Variants in STXBP4 observed in about 807,000 individuals in gnomAD.
The protein encoded by STXBP4 is syntaxin binding protein 4.
In STXBP4, 55 loss-of-function variants were observed where a neutral mutation model predicts 76.1. The observed-to-expected ratio is 0.72, with a 90% CI of 0.58 to 0.91. The LOEUF (loss-of-function observed/expected upper bound fraction) is 0.91. Among genes scored for constraint, STXBP4 ranks in the 40% least tolerant of loss-of-function variants. The pLI is 0.00. For synonymous variants in STXBP4, 201 were observed against 220.2 expected (o/e 0.91, Z 0.77); for missense variants, 618 against 636.9 (o/e 0.97, Z 0.32).
the STXBP4 span, among the ~76,000 whole-genome samples, chr17:55,202,426 A>AAATTAAATGACATTT: frequency 2.1e-3 from 322 of 151,732 alleles, no homozygotes; most frequent in African/African-American, 7.0e-3. Context: ...TAATTTCACA[A>AAATTAAATGACATTT]AATTAAATGA....
chr17:55,062,957 C>T (rs1324645883), intron 12 of STXBP4, among the ~76,000 whole-genome samples: 1 of 152,192 alleles, frequency 6.6e-6, no homozygotes, highest in African/African-American at 2.4e-5. Context: ...TAGTGATAGA[C>T]AGCAATCTGG....
intron 12 of STXBP4, among the ~76,000 whole-genome samples, chr17:55,065,123 T>G (rs2079035899): frequency 6.6e-6 from 1 of 152,144 alleles, no homozygotes; most frequent in Non-Finnish European, 1.5e-5. Context: ...TCAATCAATA[T>G]TTATTAGGTA....
rs185952080 is a variant in STXBP4 at position 55,166,306 on chromosome 17, T to C, written c.*6395T>C. 2.0e-5 allele frequency: 3 copies of C among 152,236 alleles called. No individual in the cohort carries two copies. Among genetic ancestry groups the C allele is most frequent in the African/African-American group, 4.8e-5 (2 of 41,464 alleles). The allele number at this position is 152,236 out of a possible 1,614,324, so 9.4% of individuals were successfully genotyped here. On this transcript the variant is annotated 3_prime_UTR_variant, in exon 18 of 18. Coordinates refer to ENST00000376352, the MANE Select transcript of STXBP4 (RefSeq NM_178509.6). ...TTTCAAGTCTTTCTCATTTCTTACC[T>C]GGATGCTTTCAACACAGGTGATATA...
At chr17:55,064,433 A>G (rs972726979) in intron 12 of STXBP4, among the ~76,000 whole-genome samples, 17 of 151,914 alleles carry the variant, frequency 1.1e-4, no homozygotes, top group African/African-American at 4.1e-4. Context: ...ATCTCTTTAC[A>G]CTGTAGTTAT....
chr17:55,182,784 A>G, the STXBP4 span, among the ~76,000 whole-genome samples: 3 of 149,272 alleles, frequency 2.0e-5, no homozygotes, highest in African/African-American at 7.3e-5. Context: ...TTACTCCTAC[A>G]AAGTGCTAAG....
the STXBP4 span, among the ~76,000 whole-genome samples, chr17:55,187,828 A>G: frequency 6.6e-6 from 1 of 152,200 alleles, no homozygotes; most frequent in African/African-American, 2.4e-5. Flanking sequence ...ACCTTTCATA[A>G]CCATCTTTAG....
chr17:55,123,180 G>C (rs1034187363), intron 16 of STXBP4, among the ~76,000 whole-genome samples: 5 of 152,122 alleles, frequency 3.3e-5, no homozygotes, highest in African/African-American at 1.2e-4. Context: ...TCTTGCCAAA[G>C]TACTTTTCAT....
intron 16 of STXBP4, among the ~76,000 whole-genome samples, chr17:55,139,420 AAC>A (rs1159485836): frequency 3.3e-5 from 5 of 152,148 alleles, no homozygotes; most frequent in African/African-American, 1.2e-4. Context: ...CTTCCTACTT[AAC>A]TTTTAGCTGC....
rs2080412491 is a variant in STXBP4, at chr17:55,172,564, T to A, written c.*12653T>A. The A allele has an allele frequency of 6.6e-6, 1 of 152,242 alleles. No homozygotes were observed. The highest frequency in any genetic ancestry group is 1.9e-4 in the East Asian group (1 of 5,202). 9.4% of individuals were successfully genotyped at this position (152,242 alleles called of 1,614,324 possible). A position where few individuals can be genotyped will look rare whatever the true frequency, so the allele number is the denominator to read the frequency against. ...ACTTCCTTTAATAATACTTTTATTTTTCCAAATTTGAAGACTGTCCCTAAG... is the reference window on the plus strand; with the variant it reads ...ACTTCCTTTAATAATACTTTTATTTATCCAAATTTGAAGACTGTCCCTAAG... On this transcript the variant is annotated 3_prime_UTR_variant, in exon 18 of 18. Transcript: ENST00000376352.
At position 55,094,799 on chromosome 17, in the gene STXBP4, G is replaced by C. The variant is rs150139221; in HGVS notation, c.1489+13616G>C. The stretch of plus-strand genomic sequence containing the variant: ...ATACATAGCAGCAATCTACTAATCT[G>C]TATTGGTACACAGGAAGCAAACATA... On this transcript the variant is annotated intron_variant, in intron 16 of 17. Coordinates refer to ENST00000376352, the MANE Select transcript of STXBP4 (RefSeq NM_178509.6). Among the ~76,000 whole-genome samples, 21 of 152,208 alleles carry C rather than the reference G, an allele frequency of 1.4e-4. 2 individuals carry two copies. The highest frequency in any genetic ancestry group is 4.8e-4 in the African/African-American group (20 of 41,546).
chr17:55,009,392 C>T (rs558190387), intron 8 of STXBP4, among the ~76,000 whole-genome samples: 1 of 152,126 alleles, frequency 6.6e-6, no homozygotes, highest in African/African-American at 2.4e-5. Context: ...AGATTTAATA[C>T]CATTCTTCTG....
At chr17:55,115,511 A>G (rs565621137) in intron 16 of STXBP4, among the ~76,000 whole-genome samples, 5 of 151,972 alleles carry the variant, frequency 3.3e-5, no homozygotes, top group East Asian at 1.9e-4. Context: ...GTTTTCTTCT[A>G]AAGAGTGTGT....
chr17:54,999,749 A>G lies in STXBP4; in HGVS notation c.405A>G (p.Ser135=). 6.2e-7 allele frequency: 1 copy of G among 1,613,652 alleles called. No homozygotes were observed. The highest frequency in any genetic ancestry group is 8.5e-7 in the Non-Finnish European group (1 of 1,179,734). ...EASGEYGPQA[S]TLSLFSSPPE... Reference sequence around the variant, plus strand: ...CAGGAGAATATGGACCTCAAGCCTCAACATTAAGTCTTTTTTCTTCTCCTC... The same window carrying G: ...CAGGAGAATATGGACCTCAAGCCTCGACATTAAGTCTTTTTTCTTCTCCTC... The change falls in exon 6 of 18, where the codon TCA becomes TCG. Residue 135 remains serine (S), a synonymous_variant. Transcript: ENST00000376352.
intron 12 of STXBP4, among the ~76,000 whole-genome samples, chr17:55,072,282 A>C (rs2079129408): frequency 1.3e-5 from 2 of 152,204 alleles, no homozygotes; most frequent in Admixed American, 1.3e-4. Context: ...TTAAAGATTA[A>C]GTGAGAAAAG....
At position 54,981,075 on chromosome 17, in the gene STXBP4, G is replaced by A. The variant is rs551318812; in HGVS notation, c.-156-4539G>A. On this transcript the variant is annotated intron_variant, in intron 1 of 17. Coordinates refer to ENST00000376352, the MANE Select transcript of STXBP4 (RefSeq NM_178509.6). ...CAAAAGATTGGCCACCCCTGCTATAGAAGTTCACAAAAGAAGATTTGAACA... is the reference window on the plus strand; with the variant it reads ...CAAAAGATTGGCCACCCCTGCTATAAAAGTTCACAAAAGAAGATTTGAACA... Among the ~76,000 whole-genome samples, 10 of 152,170 alleles carry A rather than the reference G, an allele frequency of 6.6e-5. No homozygotes were observed. In the South Asian group the frequency reaches 2.1e-3, roughly 32 times the overall value.
chr17:55,066,921 G>T (rs1034596046), intron 12 of STXBP4, among the ~76,000 whole-genome samples: 2 of 151,988 alleles, frequency 1.3e-5, no homozygotes, highest in Non-Finnish European at 2.9e-5. Flanking sequence ...ATTATTATAT[G>T]GTGTTTCTCA....
chr17:55,189,099 T>A, the STXBP4 span, among the ~76,000 whole-genome samples: 1 of 152,016 alleles, frequency 6.6e-6, no homozygotes, highest in African/African-American at 2.4e-5. Context: ...GAATCCATGA[T>A]TTCTCCCCTT....
the STXBP4 span, among the ~76,000 whole-genome samples, chr17:55,202,734 G>C: frequency 2.0e-4 from 31 of 152,096 alleles, no homozygotes; most frequent in African/African-American, 7.0e-4. Context: ...CTTATCCCTT[G>C]AGATCCTACC....
chr17:55,122,121 G>A (rs1279188204), intron 16 of STXBP4, among the ~76,000 whole-genome samples: 2 of 151,990 alleles, frequency 1.3e-5, no homozygotes, highest in South Asian at 2.1e-4. Flanking sequence ...AGACAATATT[G>A]CTTTTTAAAA....
Sources: gnomAD v4.1 joint callset for allele counts (sites outside exome capture counted in the v4.1 genomes callset) on GRCh38, gnomAD v4.1.1 for gene constraint, MANE v1.5 for transcripts, NCBI Gene and HGNC (gene_info 2026-07-23, HGNC 2026-07-21) for gene names.